Variants in KCNH5 observed in about 807,000 individuals in gnomAD.
KCNH5 encodes voltage-gated delayed rectifier potassium channel KCNH5.
KCNH5 carries 46 observed loss-of-function variants against 96.1 expected under a neutral mutation model. The ratio of observed to expected loss-of-function variants is 0.48; its 90% CI spans 0.38 to 0.61. KCNH5 has a LOEUF of 0.61. KCNH5 is among the 20% of genes least tolerant of loss of function. The pLI, the probability that KCNH5 is intolerant of heterozygous loss-of-function variation, is 0.00. For synonymous variants in KCNH5, 439 were observed against 449.8 expected (o/e 0.98, Z 0.30); for missense variants, 907 against 1,225.8 (o/e 0.74, Z 3.88).
intron 7 of KCNH5, among the ~76,000 whole-genome samples, chr14:62,942,986 A>T (rs1175179951): frequency 1.3e-5 from 2 of 152,176 alleles, no homozygotes; most frequent in African/African-American, 4.8e-5. Context: ...AGAGAAAATG[A>T]ATACCCAAAT....
At chr14:62,793,012 G>A (rs1028716117) in intron 9 of KCNH5, among the ~76,000 whole-genome samples, 2 of 151,656 alleles carry the variant, frequency 1.3e-5, no homozygotes, top group African/African-American at 4.8e-5. Flanking sequence ...GGTGAACCTG[G>A]AGAGCACTAT....
chr14:62,823,944 C>T (rs191559583), intron 8 of KCNH5, among the ~76,000 whole-genome samples: 2 of 151,980 alleles, frequency 1.3e-5, no homozygotes, highest in African/African-American at 4.8e-5. Flanking sequence ...TAATGATCTG[C>T]CTTGCAGCAA....
At chr14:62,989,404 C>T (rs1201771124) in intron 4 of KCNH5, among the ~76,000 whole-genome samples, 1 of 152,090 alleles carries the variant, frequency 6.6e-6, no homozygotes, top group Non-Finnish European at 1.5e-5. Flanking sequence ...AAATTCAAAA[C>T]TAAAATTAAA....
intron 7 of KCNH5, among the ~76,000 whole-genome samples, chr14:62,894,251 C>T (rs753641292): frequency 2.0e-5 from 3 of 152,162 alleles, no homozygotes; most frequent in African/African-American, 4.8e-5. Context: ...CTCTGAGATA[C>T]GTTTGTGCTG....
intron 6 of KCNH5, among the ~76,000 whole-genome samples, chr14:62,950,850 G>A (rs969492548): frequency 7.2e-5 from 11 of 152,104 alleles, no homozygotes; most frequent in African/African-American, 2.7e-4. Flanking sequence ...ATGGTACAGA[G>A]AGAAACCGAA....
In KCNH5 at chr14:62,987,041, T is replaced by C. The variant is rs531320469; in HGVS notation, c.549+31A>G. On this transcript the variant is annotated intron_variant, in intron 5 of 10. Transcript: ENST00000322893. ...GAAGAAAAATGTACCAACACCACCATCTTGGGAAGCAAAATTCATCTCATA... is the reference window on the plus strand; with the variant it reads ...GAAGAAAAATGTACCAACACCACCACCTTGGGAAGCAAAATTCATCTCATA... The C allele has an allele frequency of 1.3e-5, 19 of 1,467,972 alleles. No homozygotes were observed. In the South Asian group the frequency reaches 2.0e-4, roughly 16 times the overall value. The allele number at this position is 1,467,972 out of a possible 1,614,324, so 90.9% of individuals were successfully genotyped here. A position where few individuals can be genotyped will look rare whatever the true frequency, so the allele number is the denominator to read the frequency against.
At chr14:62,912,032 C>A (rs1329615425) in intron 7 of KCNH5, among the ~76,000 whole-genome samples, 3 of 110,362 alleles carry the variant, frequency 2.7e-5, no homozygotes, top group African/African-American at 7.1e-5. Context: ...AGCGAGACTC[C>A]TAATCAAAAA....
intron 1 of KCNH5, among the ~76,000 whole-genome samples, chr14:63,020,163 A>G (rs1246368632): frequency 6.6e-6 from 1 of 152,120 alleles, no homozygotes; most frequent in Non-Finnish European, 1.5e-5. Context: ...AAAGATTAGC[A>G]ATACAACATT....
chr14:62,868,018 T>C (rs1888168874), intron 7 of KCNH5, among the ~76,000 whole-genome samples: 1 of 152,366 alleles, frequency 6.6e-6, no homozygotes, highest in African/African-American at 2.4e-5. Flanking sequence ...CTCTCCAAAA[T>C]GTAAACTCCT....
At chr14:62,796,011 G>T (rs1204648613) in intron 9 of KCNH5, among the ~76,000 whole-genome samples, 2 of 152,170 alleles carry the variant, frequency 1.3e-5, no homozygotes, top group Non-Finnish European at 2.9e-5. Flanking sequence ...CTGCAATTCA[G>T]TACGGTGAGA....
At chr14:62,822,217 T>A (rs987406891) in intron 8 of KCNH5, among the ~76,000 whole-genome samples, 10 of 152,138 alleles carry the variant, frequency 6.6e-5, no homozygotes, top group African/African-American at 2.4e-4. Context: ...CCTTTACATT[T>A]ATGCAACTCT....
intron 10 of KCNH5, among the ~76,000 whole-genome samples, chr14:62,758,265 T>C (rs946878682): frequency 6.6e-6 from 1 of 152,122 alleles, no homozygotes; most frequent in Non-Finnish European, 1.5e-5. Flanking sequence ...TATGATTGGA[T>C]TGCTTATAAT....
Position 62,751,543 on chromosome 14 carries a change from TC to T in KCNH5, c.2019+28184del, listed in dbSNP as rs569176414. Reference sequence around the variant, plus strand: ...TAGCTCCCTTCTAAGCACTGGGCAATCCCTCTTCCATGGCCAGTTTTCTAAC... The same window carrying T: ...TAGCTCCCTTCTAAGCACTGGGCAATCCTCTTCCATGGCCAGTTTTCTAAC... On this transcript the variant is annotated intron_variant, in intron 10 of 10. Coordinates refer to ENST00000322893, the MANE Select transcript of KCNH5 (RefSeq NM_139318.5). Among the ~76,000 whole-genome samples, 40 of 152,296 alleles carry T rather than the reference TC, an allele frequency of 2.6e-4. No homozygotes were observed. In the South Asian group the frequency reaches 6.2e-3, roughly 24 times the overall value.
At chr14:63,010,089 G>A (rs1273260468) in intron 2 of KCNH5, among the ~76,000 whole-genome samples, 1 of 152,066 alleles carries the variant, frequency 6.6e-6, no homozygotes, top group Non-Finnish European at 1.5e-5. Flanking sequence ...TTACTTTATT[G>A]AAAGGAAAAT....
At chr14:63,010,411 G>A (rs1352015118) in intron 2 of KCNH5, among the ~76,000 whole-genome samples, 1 of 152,140 alleles carries the variant, frequency 6.6e-6, no homozygotes, top group Non-Finnish European at 1.5e-5. Flanking sequence ...GCTTCTCCAG[G>A]ATTCTCCAGG....
chr14:62,923,651 C>T (rs1413868773), intron 7 of KCNH5, among the ~76,000 whole-genome samples: 2 of 151,756 alleles, frequency 1.3e-5, no homozygotes, highest in African/African-American at 2.4e-5. Context: ...ACAGAGAATC[C>T]AAAAATAAAC....
At chr14:62,870,958 C>A (rs769933459) in intron 7 of KCNH5, among the ~76,000 whole-genome samples, 46 of 152,146 alleles carry the variant, frequency 3.0e-4, no homozygotes, top group Non-Finnish European at 6.2e-4. Flanking sequence ...TTGTCTAAAA[C>A]TGCCTCTCAA....
At chr14:62,859,375 T>C in intron 7 of KCNH5, among the ~76,000 whole-genome samples, 1 of 152,138 alleles carries the variant, frequency 6.6e-6, no homozygotes, top group Non-Finnish European at 1.5e-5. Context: ...ACTTTGTTCA[T>C]GGGCGATGAC....
At position 63,001,116 on chromosome 14, in the gene KCNH5, T is replaced by G. The variant is rs141489751; in HGVS notation, c.433+215A>C. On this transcript the variant is annotated intron_variant, in intron 4 of 10. Coordinates refer to ENST00000322893, the MANE Select transcript of KCNH5 (RefSeq NM_139318.5). The stretch of plus-strand genomic sequence containing the variant: ...AATGCTCTATAAAATTTCTTACTCA[T>G]GCTATAAGTTAACCAATCTATATTT... Among the ~76,000 whole-genome samples, 6 of 152,298 alleles carry G rather than the reference T, an allele frequency of 3.9e-5. No homozygotes were observed. In the East Asian group the frequency reaches 1.2e-3, roughly 29 times the overall value.
Sources: gnomAD v4.1 joint callset for allele counts (sites outside exome capture counted in the v4.1 genomes callset) on GRCh38, gnomAD v4.1.1 for gene constraint, MANE v1.5 for transcripts, NCBI Gene and HGNC (gene_info 2026-07-23, HGNC 2026-07-21) for gene names.